The following DAPK1 variants were observed in gnomAD, a reference collection of about 807,000 sequenced individuals.
DAPK1 encodes the protein death associated protein kinase 1, also known as death-associated protein kinase 1.
A neutral mutation model predicts 144.9 loss-of-function variants in DAPK1; 56 were observed. The ratio of observed to expected loss-of-function variants is 0.39; its 90% CI spans 0.31 to 0.48. The LOEUF (loss-of-function observed/expected upper bound fraction) is 0.48, where lower values mean the gene tolerates loss of function less well. Ranked by LOEUF, DAPK1 falls within the 20% of genes least tolerant of loss-of-function variation. The pLI is 0.95. For missense variants in DAPK1, 1,454 were observed against 1,875.4 expected (o/e 0.78, Z 4.15); for synonymous variants, 690 against 749.0 (o/e 0.92, Z 1.29).
At chr9:87,649,796 T>C (rs1000092284) in intron 15 of DAPK1, 125 bp from the exon 16 acceptor site, 3 of 819,590 alleles carry the variant, frequency 3.7e-6, no homozygotes, top group East Asian at 2.6e-5. Context: ...CCAATACCTA[T>C]GAGCTCTTTC....
intron 2 of DAPK1, among the ~76,000 whole-genome samples, chr9:87,591,188 G>A (rs7029649): frequency 0.012 from 1,792 of 152,298 alleles, 36 homozygotes; most frequent in African/African-American, 0.041. Context: ...TGTGAGGTCC[G>A]TCCTGTACTT....
intron 3 of DAPK1, among the ~76,000 whole-genome samples, chr9:87,618,201 G>A (rs773737347): frequency 6.6e-6 from 1 of 152,210 alleles, no homozygotes; most frequent in African/African-American, 2.4e-5. Flanking sequence ...TTATTAGTCA[G>A]TAGGATCTAT....
intron 3 of DAPK1, among the ~76,000 whole-genome samples, chr9:87,635,961 T>G (rs1482247258): frequency 1.3e-5 from 2 of 152,030 alleles, no homozygotes; most frequent in East Asian, 1.9e-4. Flanking sequence ...TTGGGTGAGG[T>G]TGGTTCACAA....
chr9:87,605,544 G>GT (rs1828687356), intron 3 of DAPK1, among the ~76,000 whole-genome samples: 1 of 151,932 alleles, frequency 6.6e-6, no homozygotes, highest in Non-Finnish European at 1.5e-5. Context: ...CTCTCTGTTT[G>GT]TTTTTCTGCC....
chr9:87,520,823 T>C (rs1178504580), intron 2 of DAPK1, among the ~76,000 whole-genome samples: 1 of 152,234 alleles, frequency 6.6e-6, no homozygotes. Flanking sequence ...TAAATATACA[T>C]GCACATATAT....
chr9:87,652,007 G>T (rs1168001437), intron 17 of DAPK1, among the ~76,000 whole-genome samples: 54 of 140,198 alleles, frequency 3.9e-4, no homozygotes, highest in Non-Finnish European at 7.2e-4. Context: ...CCTCCCACCT[G>T]ATCCCGGGTC....
intron 2 of DAPK1, among the ~76,000 whole-genome samples, chr9:87,588,480 A>AGTTTT (rs60288646): frequency 0.095 from 14,477 of 151,890 alleles, 2,291 homozygotes; most frequent in African/African-American, 0.33. Flanking sequence ...TATTCAATTC[A>AGTTTT]GTTTTGTTTT....
intron 3 of DAPK1, among the ~76,000 whole-genome samples, chr9:87,635,129 A>G (rs1829844787): frequency 1.3e-5 from 2 of 151,926 alleles, no homozygotes; most frequent in African/African-American, 2.4e-5. Flanking sequence ...CTGGCAGGAG[A>G]AGGAGATCCT....
chr9:87,562,800 A>G (rs1202499339), intron 2 of DAPK1, among the ~76,000 whole-genome samples: 1 of 152,196 alleles, frequency 6.6e-6, no homozygotes, highest in African/African-American at 2.4e-5. Context: ...AGGTGCCCAA[A>G]TTTGGAAGAC....
At position 87,706,873 on chromosome 9, in the gene DAPK1, C is replaced by A. The variant is rs2118132184; in HGVS notation, c.3802C>A (p.Leu1268Met). 2 of 1,614,058 alleles carry A rather than the reference C, an allele frequency of 1.2e-6. No individual in the cohort carries two copies. Among genetic ancestry groups the A allele is most frequent in the South Asian group, 2.2e-5 (2 of 91,078 alleles). Reference protein sequence around the residue: ...FRAQTLKETSLTNTMGGYKES... With the variant: ...FRAQTLKETSMTNTMGGYKES... Reference sequence around the variant, plus strand: ...GGCACAGACTCTGAAGGAAACCTCACTGACCAACACCATGGGGGGGTACAA... The same window carrying A: ...GGCACAGACTCTGAAGGAAACCTCAATGACCAACACCATGGGGGGGTACAA... The change falls in exon 26 of 26, where the codon CTG (leucine) becomes ATG (methionine). Residue 1268 changes from leucine to methionine, a missense_variant. Leu to Met is a conservative substitution (Grantham distance 15). Around this residue, in one of 2 missense-constraint regions of DAPK1, gnomAD observed 1,025 missense variants for 1,237.9 expected, o/e 0.83. Transcript: ENST00000408954. This position sits in a 1 kb window ranked among gnomAD's most constrained non-coding sequence, Gnocchi z 9.0.
intron 2 of DAPK1, among the ~76,000 whole-genome samples, chr9:87,524,480 T>C (rs973589648): frequency 1.3e-5 from 2 of 152,192 alleles, no homozygotes; most frequent in Non-Finnish European, 2.9e-5. Context: ...AACTTCCTCT[T>C]TCTCAGAGCC....
intron 2 of DAPK1, among the ~76,000 whole-genome samples, chr9:87,594,661 C>T (rs1438756703): frequency 6.6e-6 from 1 of 152,226 alleles, no homozygotes; most frequent in Non-Finnish European, 1.5e-5. Context: ...TTACTGTGCT[C>T]TCTATACCCA....
At chr9:87,609,579 C>T (rs576020283) in intron 3 of DAPK1, among the ~76,000 whole-genome samples, 7 of 152,222 alleles carry the variant, frequency 4.6e-5, no homozygotes, top group Admixed American at 3.3e-4. Context: ...CCAGGAGAAA[C>T]AGTCGTCTTT....
At chr9:87,508,226 G>A (rs1010519253) in intron 2 of DAPK1, among the ~76,000 whole-genome samples, 4 of 151,948 alleles carry the variant, frequency 2.6e-5, no homozygotes, top group African/African-American at 9.7e-5. Context: ...TGGCCAGGCT[G>A]ATCTGGAACT....
chr9:87,617,000 G>T (rs1829121250), intron 3 of DAPK1, among the ~76,000 whole-genome samples: 1 of 152,184 alleles, frequency 6.6e-6, no homozygotes, highest in East Asian at 1.9e-4. Flanking sequence ...TTCACTCTGG[G>T]TTCAAAGAGA....
chr9:87,640,210 T>G, intron 7 of DAPK1, 88 bp from the exon 8 acceptor site: 1 of 1,287,114 alleles, frequency 7.8e-7, no homozygotes, highest in Non-Finnish European at 1.1e-6. Context: ...GATTATAATC[T>G]TATTCCACAC....
At chr9:87,505,258 ATTATTT>A (rs1310886320) in intron 2 of DAPK1, among the ~76,000 whole-genome samples, 1 of 152,206 alleles carries the variant, frequency 6.6e-6, no homozygotes, top group Non-Finnish European at 1.5e-5. Context: ...TTAAGTGAAT[ATTATTT>A]TAGTAGAAAT....
intron 21 of DAPK1, among the ~76,000 whole-genome samples, chr9:87,689,479 GTTAA>G (rs1344068605): frequency 3.3e-5 from 5 of 152,030 alleles, no homozygotes. Flanking sequence ...TCTTCACTCT[GTTAA>G]TTGTTTCCTT....
intron 2 of DAPK1, among the ~76,000 whole-genome samples, chr9:87,593,050 C>T (rs1828191220): frequency 6.6e-6 from 1 of 152,228 alleles, no homozygotes; most frequent in Non-Finnish European, 1.5e-5. Context: ...CAGACAGCCA[C>T]TCACTGCCTC....
Sources: allele counts gnomAD v4.1 joint callset (sites outside exome capture counted in the v4.1 genomes callset), GRCh38; gene constraint gnomAD v4.1.1; regional missense constraint gnomAD v4.1.1; non-coding constraint Gnocchi (gnomAD v3.1); transcripts MANE v1.5; gene names NCBI Gene and HGNC (gene_info 2026-07-23, HGNC 2026-07-21).